ACTR5: variants seen among roughly 807,000 people sequenced by gnomAD.
ACTR5 encodes the protein actin-related protein 5.
ACTR5 carries 43 observed loss-of-function variants against 61.2 expected under a neutral mutation model. The observed-to-expected ratio is 0.70, with a 90% CI of 0.55 to 0.91. The LOEUF (loss-of-function observed/expected upper bound fraction) is 0.91, where lower values mean the gene tolerates loss of function less well. ACTR5 is among the 40% of genes least tolerant of loss of function. The pLI, the probability that ACTR5 is intolerant of heterozygous loss-of-function variation, is 0.00. For synonymous variants in ACTR5, 333 were observed against 310.5 expected (o/e 1.07, Z -0.76); for missense variants, 798 against 782.2 (o/e 1.02, Z -0.24).
chr20:38,754,364 G>A (rs1293401173), intron 3 of ACTR5, among the ~76,000 whole-genome samples: 2 of 152,088 alleles, frequency 1.3e-5, no homozygotes, highest in African/African-American at 2.4e-5. Context: ...TTCAGGGATT[G>A]GATGGAGTGT....
At chr20:38,755,811 G>A (rs906859163) in intron 4 of ACTR5, 46 bp from the exon 5 acceptor site, 1 of 1,609,994 alleles carries the variant, frequency 6.2e-7, no homozygotes, top group Admixed American at 1.7e-5. Flanking sequence ...TCTCCGTTTG[G>A]CTTTGAAGCT....
At chr20:38,770,198 G>T (rs2084511933) in intron 8 of ACTR5, among the ~76,000 whole-genome samples, 1 of 150,600 alleles carries the variant, frequency 6.6e-6, no homozygotes, top group South Asian at 2.1e-4. Flanking sequence ...TCCAATTTTA[G>T]ATTATGTATT....
At chr20:38,764,873 T>G (rs181095091) in intron 5 of ACTR5, among the ~76,000 whole-genome samples, 5 of 152,350 alleles carry the variant, frequency 3.3e-5, no homozygotes, top group African/African-American at 1.2e-4. Flanking sequence ...TTTCACTCTG[T>G]TGCCCACGCT....
intron 5 of ACTR5, among the ~76,000 whole-genome samples, chr20:38,764,970 G>A (rs1601202527): frequency 6.6e-6 from 1 of 152,240 alleles, no homozygotes; most frequent in Non-Finnish European, 1.5e-5. Flanking sequence ...CTGCTCCCTG[G>A]CCAGCAGATG....
chr20:38,772,073 C>A lies in ACTR5; in HGVS notation c.*257C>A. The A allele has an allele frequency of 2.0e-6, 1 of 512,212 alleles. No individual in the cohort carries two copies. The allele number at this position is 512,212 out of a possible 1,614,324, so 31.7% of individuals were successfully genotyped here. ...GTTCAACTGTGGCCAGCTGTGGCATCAGCTTCCTGGAGCAGTAAATGAAGA... is the reference window on the plus strand; with the variant it reads ...GTTCAACTGTGGCCAGCTGTGGCATAAGCTTCCTGGAGCAGTAAATGAAGA... On this transcript the variant is annotated 3_prime_UTR_variant, in exon 9 of 9. Transcript: ENST00000243903.
At position 38,755,023 on chromosome 20, in the gene ACTR5, C is replaced by T; in HGVS notation, c.842C>T (p.Ser281Phe). The change falls in exon 4 of 9, where the codon TCC (serine) becomes TTC (phenylalanine). Residue 281 changes from serine to phenylalanine, a missense_variant. By Grantham distance (155) the Ser-to-Phe change is radical. Transcript: ENST00000243903. ...GTCCACAAGATGCAGCTCCCATTTT[C>T]CAGCAAGCTCCTGGGCAGCACTCTG... ...NNVHKMQLPFSSKLLGSTLTS... is the reference protein window; with the variant it reads ...NNVHKMQLPFFSKLLGSTLTS... 6.2e-7 allele frequency: 1 copy of T among 1,614,228 alleles called. No individual in the cohort carries two copies. The highest frequency in any genetic ancestry group is 8.5e-7 in the Non-Finnish European group (1 of 1,180,046).
At chr20:38,770,782 T>C (rs778453149) in intron 8 of ACTR5, among the ~76,000 whole-genome samples, 1 of 152,212 alleles carries the variant, frequency 6.6e-6, no homozygotes, top group Non-Finnish European at 1.5e-5. Context: ...GCCCAGCAGC[T>C]GGACTCCTGA....
chr20:38,758,873 A>T (rs1299953710), intron 5 of ACTR5, among the ~76,000 whole-genome samples: 1 of 152,234 alleles, frequency 6.6e-6, no homozygotes, highest in Non-Finnish European at 1.5e-5. Flanking sequence ...ACCAAAATTC[A>T]TATTGAAATT....
intron 2 of ACTR5, 40 bp downstream of exon 2, chr20:38,750,279 G>A (rs773289881): frequency 2.6e-6 from 4 of 1,553,892 alleles, no homozygotes; most frequent in South Asian, 1.1e-5. Flanking sequence ...ATTTTGAGAA[G>A]CATTCAGGAA....
In ACTR5 at chr20:38,771,799, G is replaced by A. The variant is rs771243238; in HGVS notation, c.1807G>A (p.Ala603Thr). 1 of 1,612,414 alleles carries A rather than the reference G, an allele frequency of 6.2e-7. No individual in the cohort carries two copies. Among genetic ancestry groups the A allele is most frequent in the Non-Finnish European group, 8.5e-7 (1 of 1,179,722 alleles). Residue 603 changes from alanine to threonine, a missense_variant, in exon 9 of 9, where the codon GCT (alanine) becomes ACT (threonine). Coordinates refer to ENST00000243903, the MANE Select transcript of ACTR5 (RefSeq NM_024855.4). ...GGGCTCCGCTGCTGGTGGAGGTGGT[G>A]CTGGTGAGCAGGCATAGCAGAGGCC... is the stretch of plus-strand genomic sequence containing the variant. ...SKGSAAGGGG[A>T]GEQA is the part of the protein sequence containing the mutation.
chr20:38,754,980 GATT>G lies in ACTR5; in HGVS notation c.805_807del (p.Tyr269del), dbSNP rs2084410914. The G allele has an allele frequency of 6.2e-7, 1 of 1,614,182 alleles. No individual in the cohort carries two copies. The highest frequency in any genetic ancestry group is 8.5e-7 in the Non-Finnish European group (1 of 1,180,034). On this transcript the variant is annotated inframe_deletion, in exon 4 of 9. Coordinates refer to ENST00000243903, the MANE Select transcript of ACTR5 (RefSeq NM_024855.4). ...AGAATTACACAAATGGCGGTGTCCT[GATT>G]ATTATGAGAATAATGTCCACAAGAT...
Position 38,757,710 on chromosome 20 carries a change from C to G in ACTR5, c.1176+1671C>G, listed in dbSNP as rs115087019. Among the ~76,000 whole-genome samples, 310 of 151,560 alleles carry G rather than the reference C, an allele frequency of 2.0e-3. 4 individuals are homozygous for G. The highest frequency in any genetic ancestry group is 7.3e-3 in the African/African-American group (301 of 41,254). On this transcript the variant is annotated intron_variant, in intron 5 of 8. Transcript: ENST00000243903. ...AAGGTTCTGCTCTCACCGTTGCATC[C>G]TCTACATCTCATTCCCAGGCTGTCG...
At chr20:38,758,659 A>T (rs2084435001) in intron 5 of ACTR5, among the ~76,000 whole-genome samples, 1 of 152,058 alleles carries the variant, frequency 6.6e-6, no homozygotes, top group African/African-American at 2.4e-5. Context: ...AAAAAAAAAA[A>T]AGTGATGATC....
Position 38,750,015 on chromosome 20 carries a change from T to A in ACTR5, c.381T>A (p.Cys127Ter). 6.2e-7 allele frequency: 1 copy of A among 1,613,792 alleles called. No homozygotes were observed. Among genetic ancestry groups the A allele is most frequent in the Non-Finnish European group, 8.5e-7 (1 of 1,179,642 alleles). ...FQHLGVSSQG[C>*]VDHPIVLTEA... ...GCCCTTTTCTTTCAAAGTAGGGCTGTGTTGATCATCCCATAGTTTTGACAG... is the reference window on the plus strand; with the variant it reads ...GCCCTTTTCTTTCAAAGTAGGGCTGAGTTGATCATCCCATAGTTTTGACAG... The change falls in exon 2 of 9, where the codon TGT becomes TGA. Residue 127 changes from cysteine to a stop codon, truncating the protein, a stop_gained. Transcript: ENST00000243903. LOFTEE classifies it high-confidence loss of function.
In ACTR5 at chr20:38,752,073, T is replaced by C. The variant is rs118158957; in HGVS notation, c.606-58T>C. The C allele has an allele frequency of 3.5e-4, 545 of 1,553,386 alleles. 5 individuals are homozygous for C. The East Asian group carries it at 0.012, about 35-fold the overall frequency. On this transcript the variant is annotated intron_variant, in intron 2 of 8. Transcript: ENST00000243903. ...TTAAATTATCTTGTTTCTCCCAAGA[T>C]GCTCCATATTTCTGTCCTCCAGAAA...
intron 8 of ACTR5, among the ~76,000 whole-genome samples, chr20:38,769,404 G>T (rs2084507125): frequency 6.6e-6 from 1 of 152,180 alleles, no homozygotes; most frequent in African/African-American, 2.4e-5. Flanking sequence ...AGGAAGAGAG[G>T]GAGTTGATGT....
At position 38,755,767 on chromosome 20, in the gene ACTR5, G is replaced by A. The variant is rs2084416587; in HGVS notation, c.994-90G>A. 8.3e-6 allele frequency: 12 copies of A among 1,451,474 alleles called. No individual in the cohort carries two copies. In the South Asian group the frequency reaches 1.2e-4, roughly 14 times the overall value. The allele number at this position is 1,451,474 out of a possible 1,614,324, so 89.9% of individuals were successfully genotyped here. ...GCGTGGCTCTGGGCAGGGTAGGCCA[G>A]GGGAGCTCTGGAAGCCCTCTCCAGC... On this transcript the variant is annotated intron_variant, in intron 4 of 8. Transcript: ENST00000243903.
At chr20:38,759,530 A>G (rs1279978906) in intron 5 of ACTR5, among the ~76,000 whole-genome samples, 2 of 152,234 alleles carry the variant, frequency 1.3e-5, no homozygotes, top group Non-Finnish European at 2.9e-5. Context: ...AGTTATCTTA[A>G]GATGGTATGC....
intron 5 of ACTR5, among the ~76,000 whole-genome samples, chr20:38,759,438 A>ATC (rs879277719): frequency 4.6e-5 from 7 of 152,224 alleles, no homozygotes; most frequent in Non-Finnish European, 7.3e-5. Flanking sequence ...TCTGTGTTGA[A>ATC]ATGATCAGCT....
Sources: gnomAD v4.1 joint callset for allele counts (sites outside exome capture counted in the v4.1 genomes callset) on GRCh38, gnomAD v4.1.1 for gene constraint, MANE v1.5 for transcripts, NCBI Gene and HGNC (gene_info 2026-07-23, HGNC 2026-07-21) for gene names.